The following PTPN21 variants were observed in gnomAD, a reference collection of about 807,000 sequenced individuals.
The protein encoded by PTPN21 is protein tyrosine phosphatase non-receptor type 21, also known as tyrosine-protein phosphatase non-receptor type 21.
Under a neutral mutation model 131.8 loss-of-function variants are expected in PTPN21, and 77 were observed. The ratio of observed to expected loss-of-function variants is 0.58; its 90% CI spans 0.49 to 0.71. PTPN21 has a LOEUF of 0.71. PTPN21 is among the 30% of genes least tolerant of loss of function. The pLI is 0.00. For missense variants in PTPN21, 1,552 were observed against 1,527.1 expected (o/e 1.02, Z -0.27); for synonymous variants, 715 against 621.3 (o/e 1.15, Z -2.24).
intron 10 of PTPN21, among the ~76,000 whole-genome samples, chr14:88,490,498 A>C (rs1010078876): frequency 1.3e-5 from 2 of 152,000 alleles, no homozygotes; most frequent in African/African-American, 4.8e-5. Context: ...ACATGGATCC[A>C]TGGGAACTAC....
Position 88,478,992 on chromosome 14 carries a change from A to G in PTPN21, c.2439T>C (p.Ser813=), listed in dbSNP as rs1006990743. ...TSGRYRARRD[S]LKKRPVSDLL... ...GGTCCGACACCGGCCTTTTCTTCAG[A>G]GAGTCCCTCCGGGCTCGGTAGCGGC... is the stretch of plus-strand genomic sequence containing the variant. The change falls in exon 13 of 19, where the codon TCT becomes TCC. Residue 813 remains serine, a synonymous_variant. Transcript: ENST00000556564. The G allele has an allele frequency of 6.3e-6, 10 of 1,585,958 alleles. No homozygotes were observed. Among genetic ancestry groups the G allele is most frequent in the Non-Finnish European group, 8.6e-6 (10 of 1,167,326 alleles).
intron 3 of PTPN21, among the ~76,000 whole-genome samples, chr14:88,509,222 T>C (rs1215627390): frequency 6.6e-6 from 1 of 152,200 alleles, no homozygotes; most frequent in Non-Finnish European, 1.5e-5. Flanking sequence ...GTCTATTATA[T>C]GTTAAGCATT....
At chr14:88,484,556 A>T (rs532024458) in intron 12 of PTPN21, among the ~76,000 whole-genome samples, 4 of 152,322 alleles carry the variant, frequency 2.6e-5, no homozygotes, top group Non-Finnish European at 5.9e-5. Flanking sequence ...TGGTAAAAGG[A>T]CACAGGAACC....
rs373192599 is a variant in PTPN21, at chr14:88,490,250, C to A, written c.933-4408G>T. 1.6e-4 allele frequency among the ~76,000 whole-genome samples: 24 copies of A among 152,274 alleles called. No homozygotes were observed. In the East Asian group the frequency reaches 4.4e-3, roughly 28 times the overall value. ...TCTTGAACTCCTGGCCTCAGATAAT[C>A]CACCTGCTTCAGCCTCTCAAAGTGC... is the stretch of plus-strand genomic sequence containing the variant. On this transcript the variant is annotated intron_variant, in intron 10 of 18. Transcript: ENST00000556564.
intron 2 of PTPN21, chr14:88,547,468 C>G: frequency 3.4e-6 from 1 of 290,900 alleles, no homozygotes; most frequent in South Asian, 3.0e-5. Flanking sequence ...GGCGACATAG[C>G]AAGACTCCAT....
intron 10 of PTPN21, chr14:88,493,135 T>A (rs1206173896): frequency 4.4e-6 from 2 of 454,918 alleles, no homozygotes; most frequent in Non-Finnish European, 8.8e-6. Context: ...AATGGGATAG[T>A]AATAATTGTG....
intron 13 of PTPN21, among the ~76,000 whole-genome samples, chr14:88,476,434 A>G (rs558713782): frequency 2.6e-5 from 4 of 152,222 alleles, no homozygotes; most frequent in Non-Finnish European, 5.9e-5. Context: ...CACAGATTAA[A>G]TAGCTTGTCT....
In PTPN21 at chr14:88,473,786, C is replaced by T. The variant is rs757930452; in HGVS notation, c.2528G>A (p.Arg843Gln). Residue 843 changes from arginine to glutamine, a missense_variant, in exon 14 of 19, where the codon CGA becomes CAA. By Grantham distance (43) the Arg-to-Gln change is conservative. Around this residue, in one of 4 missense-constraint regions of PTPN21, gnomAD observed 1,016 missense variants for 883.5 expected, o/e 1.15. Transcript: ENST00000556564. ...LPPLGGMKKT[R>Q]VDAKKIGPLK... ...AGGACCAATTTTTTTTGCATCTACT[C>T]GAGTCTTTTTCATTCCCTGTAAAAG... The T allele has an allele frequency of 1.9e-5, 31 of 1,607,186 alleles. No individual in the cohort carries two copies. The highest frequency in any genetic ancestry group is 3.3e-4 in the Middle Eastern group (2 of 6,046).
Position 88,480,175 on chromosome 14 carries a change from G to A in PTPN21, c.1256C>T (p.Pro419Leu), listed in dbSNP as rs146978840. The change falls in exon 13 of 19, where the codon CCT (proline) becomes CTT (leucine). Residue 419 changes from proline (P) to leucine (L), a missense_variant. Physicochemically the swap from Pro to Leu is moderately conservative, Grantham distance 98. Transcript: ENST00000556564. ...CATGACGTCACTCCCGGTGATGCTA[G>A]GGTTGGACGACATCGGCGAGGGCTG... ...YLQPSPMSSN[P>L]SITGSDVMRP... 6.2e-7 allele frequency: 1 copy of A among 1,614,170 alleles called. No individual in the cohort carries two copies. Among genetic ancestry groups the A allele is most frequent in the African/African-American group, 1.3e-5 (1 of 75,058 alleles).
chr14:88,475,391 T>C (rs1237584120), intron 13 of PTPN21, among the ~76,000 whole-genome samples: 4 of 152,220 alleles, frequency 2.6e-5, no homozygotes, highest in African/African-American at 9.6e-5. Context: ...TTATAATTAA[T>C]ATTTGATCAT....
intron 3 of PTPN21, among the ~76,000 whole-genome samples, chr14:88,511,889 A>G (rs777560840): frequency 3.3e-5 from 5 of 152,224 alleles, no homozygotes; most frequent in Non-Finnish European, 5.9e-5. Context: ...ATATATGACA[A>G]TAATTATATA....
At position 88,479,106 on chromosome 14, in the gene PTPN21, G is replaced by A; in HGVS notation, c.2325C>T (p.Ser775=). ...GGGCCTCTGCGGTCGTGCGGACGGG[G>A]CTGCTGTCCATCATCCTCTTCTCCG... ...PDAEKRMMDS[S]PVRTTAEAQR... Residue 775 remains serine (S), a synonymous_variant, in exon 13 of 19, where the codon AGC becomes AGT. Transcript: ENST00000556564. The A allele has an allele frequency of 3.8e-6, 6 of 1,571,044 alleles. No individual in the cohort carries two copies. Among genetic ancestry groups the A allele is most frequent in the Non-Finnish European group, 5.2e-6 (6 of 1,160,258 alleles).
At chr14:88,470,971 G>C (rs1393362090) in intron 15 of PTPN21, among the ~76,000 whole-genome samples, 1 of 152,300 alleles carries the variant, frequency 6.6e-6, no homozygotes, top group East Asian at 1.9e-4. Flanking sequence ...TATTCTGCAA[G>C]TGGCTGCTGA....
chr14:88,494,756 G>A (rs923921307), intron 10 of PTPN21, among the ~76,000 whole-genome samples: 2 of 152,102 alleles, frequency 1.3e-5, no homozygotes, highest in South Asian at 4.1e-4. Context: ...GCTCACACCT[G>A]TAATCCCAGC....
At chr14:88,470,149 AAG>A in intron 15 of PTPN21, 99 bp from the exon 16 acceptor site, 1 of 1,116,800 alleles carries the variant, frequency 9.0e-7, no homozygotes, top group African/African-American at 1.6e-5. Context: ...TTTTTTAAAA[AAG>A]TAAAAAGTAA....
chr14:88,522,574 G>A lies in PTPN21; in HGVS notation c.181-5313C>T, dbSNP rs887052637. 5.3e-5 allele frequency among the ~76,000 whole-genome samples: 8 copies of A among 151,870 alleles called. No homozygotes were observed. In the South Asian group the frequency reaches 8.3e-4, roughly 16 times the overall value. ...GATAGATTGTTTACATGACTTTCTC[G>A]TGCGTAACTATTGTAGTTAAAGTAT... On this transcript the variant is annotated intron_variant, in intron 2 of 18. Coordinates refer to ENST00000556564, the MANE Select transcript of PTPN21 (RefSeq NM_007039.4).
At chr14:88,494,316 TAA>T (rs2077870083) in intron 10 of PTPN21, among the ~76,000 whole-genome samples, 1 of 152,092 alleles carries the variant, frequency 6.6e-6, no homozygotes, top group Non-Finnish European at 1.5e-5. Context: ...GGGAGGAGGA[TAA>T]AAGACATAAG....
intron 13 of PTPN21, among the ~76,000 whole-genome samples, chr14:88,477,962 G>A (rs970243919): frequency 1.3e-5 from 2 of 152,214 alleles, no homozygotes; most frequent in Non-Finnish European, 2.9e-5. Context: ...CTTCAATGCA[G>A]AACATACATC....
In PTPN21 at chr14:88,479,289, C is replaced by T. The variant is rs563965315; in HGVS notation, c.2142G>A (p.Glu714=). Residue 714 remains glutamate, a synonymous_variant, in exon 13 of 19, where the codon GAG becomes GAA. Transcript: ENST00000556564. ...TCTCCTCCTCGAAGTCCTCGTCCTCCTCCTCCTCGCTGCTGTGGATTAGCA... is the reference window on the plus strand; with the variant it reads ...TCTCCTCCTCGAAGTCCTCGTCCTCTTCCTCCTCGCTGCTGTGGATTAGCA... The part of the protein sequence containing the change: ...ATMLIHSSEE[E]EDEDFEEESG... 4 of 1,613,368 alleles carry T rather than the reference C, an allele frequency of 2.5e-6. No individual in the cohort carries two copies. The highest frequency in any genetic ancestry group is 3.3e-5 in the Admixed American group (2 of 60,008).
Sources: gnomAD v4.1 joint callset for allele counts (sites outside exome capture counted in the v4.1 genomes callset) on GRCh38, gnomAD v4.1.1 for gene constraint, gnomAD v4.1.1 regional missense constraint, MANE v1.5 for transcripts, NCBI Gene and HGNC (gene_info 2026-07-23, HGNC 2026-07-21) for gene names.